Variants in TRAM1 observed in about 807,000 individuals in gnomAD.
The protein encoded by TRAM1 is translocation associated membrane protein 1.
A neutral mutation model predicts 48.7 loss-of-function variants in TRAM1; 17 were observed. The ratio of observed to expected loss-of-function variants is 0.35; its 90% CI spans 0.24 to 0.52. The LOEUF (loss-of-function observed/expected upper bound fraction) is 0.52. TRAM1 is among the 20% of genes least tolerant of loss of function. The pLI is 0.94. For missense variants in TRAM1, 351 were observed against 441.5 expected, an observed-to-expected ratio of 0.79 and a Z score of 1.84; for synonymous variants, 182 against 154.0, an observed-to-expected ratio of 1.18 and a Z score of -1.34.
At chr8:70,576,157 G>A (rs1376745669) in intron 10 of TRAM1, among the ~76,000 whole-genome samples, 1 of 150,686 alleles carries the variant, frequency 6.6e-6, no homozygotes, top group Non-Finnish European at 1.5e-5. Context: ...TTAAAGCAGT[G>A]TTGAAAGGAA....
intron 6 of TRAM1, among the ~76,000 whole-genome samples, chr8:70,592,164 C>A (rs568029635): frequency 1.3e-5 from 2 of 152,096 alleles, no homozygotes. Context: ...AAGCTGTCTA[C>A]GAAATATTTT....
At chr8:70,583,115 T>A (rs374423353) in intron 10 of TRAM1, 49 bp downstream of exon 10, 4 of 1,566,116 alleles carry the variant, frequency 2.6e-6, no homozygotes, top group South Asian at 2.4e-5. Context: ...ACAAATTTTT[T>A]AAAAGTTTTC....
intron 8 of TRAM1, among the ~76,000 whole-genome samples, chr8:70,584,037 G>C (rs1452707457): frequency 2.0e-5 from 3 of 151,810 alleles, no homozygotes; most frequent in Non-Finnish European, 4.4e-5. Flanking sequence ...AATAAATAAA[G>C]AAGAAACTAG....
chr8:70,582,848 A>T (rs1312457381), intron 10 of TRAM1, among the ~76,000 whole-genome samples: 1 of 152,212 alleles, frequency 6.6e-6, no homozygotes, highest in Non-Finnish European at 1.5e-5. Context: ...AGATGCTTGA[A>T]AACAAACTAC....
chr8:70,592,313 T>C (rs530091966), intron 6 of TRAM1, among the ~76,000 whole-genome samples: 2 of 152,258 alleles, frequency 1.3e-5, no homozygotes, highest in African/African-American at 4.8e-5. Context: ...TTCTTTCCTA[T>C]TTGTCTGTAT....
At chr8:70,591,871 C>T (rs182549078) in intron 6 of TRAM1, among the ~76,000 whole-genome samples, 11 of 151,800 alleles carry the variant, frequency 7.2e-5, no homozygotes, top group African/African-American at 2.7e-4. Context: ...AATGAAGGAA[C>T]CAGTGAGACA....
chr8:70,579,979 C>T (rs934863078), intron 10 of TRAM1, among the ~76,000 whole-genome samples: 9 of 151,996 alleles, frequency 5.9e-5, no homozygotes, highest in African/African-American at 1.5e-4. Flanking sequence ...GGCACTACTA[C>T]GTAACAAATA....
At position 70,574,267 on chromosome 8, in the gene TRAM1, C is replaced by G; in HGVS notation, c.*665G>C. The G allele has an allele frequency of 2.4e-6, 1 of 409,976 alleles. No homozygotes were observed. The highest frequency in any genetic ancestry group is 1.8e-5 in the South Asian group (1 of 55,206). 25.4% of individuals were successfully genotyped at this position (409,976 alleles called of 1,614,324 possible). A position where few individuals can be genotyped will look rare whatever the true frequency, so the allele number is the denominator to read the frequency against. On this transcript the variant is annotated 3_prime_UTR_variant, in exon 11 of 11. Coordinates refer to ENST00000262213, the MANE Select transcript of TRAM1 (RefSeq NM_014294.6). ...AAAATGCACAAGAAAGATTTTACTT[C>G]ACAAGTACTTTTAAGAATATACTTT... is the stretch of plus-strand genomic sequence containing the variant.
intron 1 of TRAM1, among the ~76,000 whole-genome samples, chr8:70,603,954 G>C (rs1817664444): frequency 6.6e-6 from 1 of 152,114 alleles, no homozygotes; most frequent in Non-Finnish European, 1.5e-5. Context: ...CCATTTCCAG[G>C]CCTCCTAAGC....
intron 10 of TRAM1, among the ~76,000 whole-genome samples, chr8:70,581,593 G>A (rs916202583): frequency 3.3e-5 from 5 of 152,130 alleles, no homozygotes; most frequent in Admixed American, 2.6e-4. Context: ...CGCATGACTC[G>A]GAAATCCCAC....
intron 1 of TRAM1, among the ~76,000 whole-genome samples, chr8:70,601,184 G>A (rs926679669): frequency 1.3e-5 from 2 of 151,992 alleles, no homozygotes; most frequent in Non-Finnish European, 2.9e-5. Flanking sequence ...TTCTCATCAT[G>A]TTACCACATC....
In TRAM1 at chr8:70,583,333, T is replaced by C. The variant is rs1817124079; in HGVS notation, c.891-9A>G. Reference sequence around the variant, plus strand: ...ATGCCAGAACAGCGATTCTAAGAAATATTAAGACATAAAAAGTTAGTGTAT... The same window carrying C: ...ATGCCAGAACAGCGATTCTAAGAAACATTAAGACATAAAAAGTTAGTGTAT... On this transcript the variant is annotated splice_polypyrimidine_tract_variant and intron_variant, in intron 9 of 10. Coordinates refer to ENST00000262213, the MANE Select transcript of TRAM1 (RefSeq NM_014294.6). 4.3e-6 allele frequency: 7 copies of C among 1,610,612 alleles called. No homozygotes were observed. Among genetic ancestry groups the C allele is most frequent in the Non-Finnish European group, 5.9e-6 (7 of 1,178,304 alleles).
intron 10 of TRAM1, among the ~76,000 whole-genome samples, chr8:70,576,420 T>C (rs1290114095): frequency 6.6e-6 from 1 of 152,230 alleles, no homozygotes; most frequent in African/African-American, 2.4e-5. Context: ...GAATCACTCC[T>C]GATTTAGAGG....
rs1817135776 is a variant in TRAM1, at chr8:70,583,704, G to A, written c.836C>T (p.Ala279Val). Residue 279 changes from alanine to valine, a missense_variant, in exon 9 of 11, where the codon GCA (alanine) becomes GTA (valine). Transcript: ENST00000262213. The stretch of plus-strand genomic sequence containing the variant: ...ACTGAAATCCAGCTTCTGATTTTCT[G>A]CTCTTGCAAGGCCAAAACCAACAGT... ...VLTVGFGLAR[A>V]ENQKLDFSTG... 6 of 1,612,952 alleles carry A rather than the reference G, an allele frequency of 3.7e-6. No homozygotes were observed. The highest frequency in any genetic ancestry group is 3.4e-6 in the Non-Finnish European group (4 of 1,179,706).
At chr8:70,597,795 CA>C (rs1367101581) in intron 4 of TRAM1, 99 bp downstream of exon 4, 27 of 763,512 alleles carry the variant, frequency 3.5e-5, no homozygotes, top group Non-Finnish European at 4.8e-5. Flanking sequence ...ATACCTAAAA[CA>C]GATTTATCAC....
chr8:70,598,235 C>A lies in TRAM1; in HGVS notation c.208G>T (p.Val70Leu). The A allele has an allele frequency of 6.2e-7, 1 of 1,609,630 alleles. No individual in the cohort carries two copies. Among genetic ancestry groups the A allele is most frequent in the Non-Finnish European group, 8.5e-7 (1 of 1,177,950 alleles). The change falls in exon 3 of 11, where the codon GTG (valine) becomes TTG (leucine). Residue 70 changes from valine (V) to leucine (L), a missense_variant. Val to Leu is a conservative substitution (Grantham distance 32). Transcript: ENST00000262213. ...PATEEQATESVSLYYYGIKDL... is the reference protein window; with the variant it reads ...PATEEQATESLSLYYYGIKDL... ...TTGATGCCATAGTAATAAAGGGACACTGATTCAGTAGCTTGTTCTTCTGAA... is the reference window on the plus strand; with the variant it reads ...TTGATGCCATAGTAATAAAGGGACAATGATTCAGTAGCTTGTTCTTCTGAA...
chr8:70,591,950 G>A (rs1299815126), intron 6 of TRAM1, among the ~76,000 whole-genome samples: 2 of 152,100 alleles, frequency 1.3e-5, no homozygotes, highest in African/African-American at 4.8e-5. Flanking sequence ...GATGATGAAT[G>A]ACAGATACTA....
intron 6 of TRAM1, among the ~76,000 whole-genome samples, chr8:70,588,074 C>G (rs1401583278): frequency 6.6e-6 from 1 of 151,922 alleles, no homozygotes; most frequent in East Asian, 1.9e-4. Flanking sequence ...ATTAGCTAGG[C>G]GTGGTGGTAT....
chr8:70,603,021 G>A (rs938971118), intron 1 of TRAM1, among the ~76,000 whole-genome samples: 3 of 152,032 alleles, frequency 2.0e-5, no homozygotes, highest in African/African-American at 4.8e-5. Flanking sequence ...TGCAGGATAC[G>A]GCCAGTAAAG....
Sources: gnomAD v4.1 joint callset for allele counts (sites outside exome capture counted in the v4.1 genomes callset) on GRCh38, gnomAD v4.1.1 for gene constraint, MANE v1.5 for transcripts, NCBI Gene and HGNC (gene_info 2026-07-23, HGNC 2026-07-21) for gene names.